The following HJV variants were observed in gnomAD, a reference collection of about 807,000 sequenced individuals.
HJV encodes the protein hemojuvelin BMP co-receptor.
A neutral mutation model predicts 22.7 loss-of-function variants in HJV; 18 were observed. The ratio of observed to expected loss-of-function variants is 0.79; its 90% CI spans 0.55 to 1.18. The LOEUF is 1.18. Among genes scored for constraint, HJV ranks in the 50% most tolerant of loss-of-function variants. HJV has a pLI of 0.00. For missense variants in HJV, 572 were observed against 553.0 expected (o/e 1.03, Z -0.34); for synonymous variants, 229 against 222.7 (o/e 1.03, Z -0.25).
rs782614415 is a variant in HJV at position 146,018,372 on chromosome 1, C to G, written c.986G>C (p.Arg329Pro). ...AGCTCCCCGACGATTGCGCTCTGAT[C>G]GAGAGAGTCGCTGACTTGGAGGGCA... The part of the protein sequence containing the change: ...GGCPPSQRLS[R>P]SERNRRGAIT... Residue 329 changes from arginine (R) to proline (P), a missense_variant, in exon 4 of 4, where the codon CGA becomes CCA. By Grantham distance (103) the Arg-to-Pro change is moderately radical. Coordinates refer to ENST00000336751, the MANE Select transcript of HJV (RefSeq NM_213653.4). 19 of 1,614,002 alleles carry G rather than the reference C, an allele frequency of 1.2e-5. No individual in the cohort carries two copies. In the East Asian group the frequency reaches 3.1e-4, roughly 26 times the overall value.
At chr1:146,020,810 C>T (rs1241639286) in intron 1 of HJV, among the ~76,000 whole-genome samples, 1 of 152,158 alleles carries the variant, frequency 6.6e-6, no homozygotes, top group African/African-American at 2.4e-5. Flanking sequence ...GGTGGCATAC[C>T]CATCCCGTCT....
rs1553769677 is a variant in HJV at position 146,019,365 on chromosome 1, C to T, written c.467G>A (p.Arg156Gln). ...GAACCCCGGGGGACGACCATGCAGC[C>T]GGGAAAACCGGCCTTCATAGTCACA... is the stretch of plus-strand genomic sequence containing the variant. ...DPCDYEGRFS[R>Q]LHGRPPGFLH... is the part of the protein sequence containing the mutation. Residue 156 changes from arginine (R) to glutamine (Q), a missense_variant, in exon 3 of 4, where the codon CGG (arginine) becomes CAG (glutamine). Transcript: ENST00000336751. 2 of 1,613,646 alleles carry T rather than the reference C, an allele frequency of 1.2e-6. No homozygotes were observed. Among genetic ancestry groups the T allele is most frequent in the African/African-American group, 2.7e-5 (2 of 74,928 alleles).
rs782677023 is a variant in HJV, at chr1:146,018,092, C to G, written c.1266G>C (p.Trp422Cys). The G allele has an allele frequency of 6.2e-7, 1 of 1,614,040 alleles. No homozygotes were observed. The highest frequency in any genetic ancestry group is 1.1e-5 in the South Asian group (1 of 91,076). Residue 422 changes from tryptophan to cysteine, a missense_variant, in exon 4 of 4, where the codon TGG becomes TGC. Transcript: ENST00000336751. ...GATGGTCCCCTTACTGAATGCAAAG[C>G]CACAGAACAAAGAGCCCAGAAAGGA... ...APLLSGLFVL[W>C]LCIQ
Position 146,019,621 on chromosome 1 carries a change from C to A in HJV, c.211G>T (p.Gly71Cys). The A allele has an allele frequency of 1.2e-6, 2 of 1,613,786 alleles. 1 individual carries two copies. Among genetic ancestry groups the A allele is most frequent in the Non-Finnish European group, 1.7e-6 (2 of 1,180,012 alleles). ...ALRGGGGGGR[G>C]GGVGSGGLCR... ...AGGCCGCCAGAGCCCACCCCTCCAC[C>A]CCGGCCTCCTCCTCCTCCTCCTCGA... is the stretch of plus-strand genomic sequence containing the variant. The change falls in exon 3 of 4, where the codon GGT (glycine) becomes TGT (cysteine). Residue 71 changes from glycine (G) to cysteine (C), a missense_variant. Gly to Cys is a radical substitution (Grantham distance 159, BLOSUM62 -3). Coordinates refer to ENST00000336751, the MANE Select transcript of HJV (RefSeq NM_213653.4).
chr1:146,018,214 C>G lies in HJV; in HGVS notation c.1144G>C (p.Glu382Gln), dbSNP rs1652453436. The change falls in exon 4 of 4, where the codon GAG becomes CAG. Residue 382 changes from glutamate (E) to glutamine (Q), a missense_variant. Transcript: ENST00000336751. ...TCTGGCAGGAAGGCTCGGGCATCCTCCAGTGCTGCCTGAGCTGCCACGGTA... is the reference window on the plus strand; with the variant it reads ...TCTGGCAGGAAGGCTCGGGCATCCTGCAGTGCTGCCTGAGCTGCCACGGTA... ...NFTVAAQAAL[E>Q]DARAFLPDLE... 4 of 1,614,078 alleles carry G rather than the reference C, an allele frequency of 2.5e-6. No individual in the cohort carries two copies. The highest frequency in any genetic ancestry group is 3.4e-6 in the Non-Finnish European group (4 of 1,180,052).
Position 146,019,416 on chromosome 1 carries a change from C to G in HJV, c.416G>C (p.Gly139Ala). ...AGGGTCCGGGGCAGGGAGGCCGGAG[C>G]CCGCGCCTGGAAGGGCGGGGCCCCG... ...PPRGPALPGA[G>A]SGLPAPDPCD... Residue 139 changes from glycine (G) to alanine (A), a missense_variant, in exon 3 of 4, where the codon GGC (glycine) becomes GCC (alanine). By Grantham distance (60) the Gly-to-Ala change is moderately conservative (BLOSUM62 0). Transcript: ENST00000336751. 1 of 1,612,552 alleles carries G rather than the reference C, an allele frequency of 6.2e-7. No individual in the cohort carries two copies. The highest frequency in any genetic ancestry group is 8.5e-7 in the Non-Finnish European group (1 of 1,179,522).
rs1350279214 is a variant in HJV at position 146,020,321 on chromosome 1, C to T, written c.-89-1G>A. ...TTTTGACCGGAAGCCCTGTAAGTGA[C>T]TGAAAAAAGAAATTTGGCTGGACAT... On this transcript the variant is annotated splice_acceptor_variant, in intron 1 of 3. Transcript: ENST00000336751. LOFTEE classifies it low-confidence loss of function (5UTR_SPLICE). 1 of 843,098 alleles carries T rather than the reference C, an allele frequency of 1.2e-6. No homozygotes were observed. The highest frequency in any genetic ancestry group is 1.7e-5 in the African/African-American group (1 of 59,884). 52.2% of individuals were successfully genotyped at this position (843,098 alleles called of 1,614,324 possible).
At position 146,019,396 on chromosome 1, in the gene HJV, C is replaced by G; in HGVS notation, c.436G>C (p.Asp146His). Residue 146 changes from aspartate (D) to histidine (H), a missense_variant, in exon 3 of 4, where the codon GAC (aspartate) becomes CAC (histidine). By Grantham distance (81) the Asp-to-His change is moderately conservative. Coordinates refer to ENST00000336751, the MANE Select transcript of HJV (RefSeq NM_213653.4). ...PGAGSGLPAP[D>H]PCDYEGRFSR... is the part of the protein sequence containing the mutation. ...AACCGGCCTTCATAGTCACAAGGGT[C>G]CGGGGCAGGGAGGCCGGAGCCCGCG... is the stretch of plus-strand genomic sequence containing the variant. 6.2e-7 allele frequency: 1 copy of G among 1,613,500 alleles called. No individual in the cohort carries two copies. Among genetic ancestry groups the G allele is most frequent in the East Asian group, 2.2e-5 (1 of 44,872 alleles).
chr1:146,018,118 G>A lies in HJV; in HGVS notation c.1240C>T (p.Leu414Phe), dbSNP rs1553769357. The change falls in exon 4 of 4, where the codon CTC (leucine) becomes TTC (phenylalanine). Residue 414 changes from leucine (L) to phenylalanine (F), a missense_variant. Physicochemically the swap from Leu to Phe is conservative, Grantham distance 22. Coordinates refer to ENST00000336751, the MANE Select transcript of HJV (RefSeq NM_213653.4). ...CACAGAACAAAGAGCCCAGAAAGGA[G>A]TGGAGCTAAGAGGGTTGCTGAGGAA... The part of the protein sequence containing the change: ...PLSSATLLAP[L>F]LSGLFVLWLC... The A allele has an allele frequency of 6.2e-7, 1 of 1,614,104 alleles. No individual in the cohort carries two copies. The highest frequency in any genetic ancestry group is 8.5e-7 in the Non-Finnish European group (1 of 1,180,044).
chr1:146,017,938 C>T lies in HJV; in HGVS notation c.*139G>A. On this transcript the variant is annotated 3_prime_UTR_variant, in exon 4 of 4. Transcript: ENST00000336751. Reference sequence around the variant, plus strand: ...CTGTGATAATTTCAACCCTGGACTGCAGCCTCATCTGACTCTGGATAATGT... The same window carrying T: ...CTGTGATAATTTCAACCCTGGACTGTAGCCTCATCTGACTCTGGATAATGT... The T allele has an allele frequency of 1.1e-6, 1 of 941,964 alleles. No individual in the cohort carries two copies. Among genetic ancestry groups the T allele is most frequent in the South Asian group, 1.6e-5 (1 of 64,392 alleles). The allele number at this position is 941,964 out of a possible 1,614,324, so 58.4% of individuals were successfully genotyped here.
At position 146,018,274 on chromosome 1, in the gene HJV, C is replaced by T. The variant is rs1652457505; in HGVS notation, c.1084G>A (p.Val362Ile). The change falls in exon 4 of 4, where the codon GTC becomes ATC. Residue 362 changes from valine to isoleucine, a missense_variant. Coordinates refer to ENST00000336751, the MANE Select transcript of HJV (RefSeq NM_213653.4). Reference protein sequence around the residue: ...PVEDAYFHSCVFDVLISGDPN... With the variant: ...PVEDAYFHSCIFDVLISGDPN... ...TCACCAGAAATTAAAACATCAAAGACACAGGAATGGAAGTAAGCATCTTCC... is the reference window on the plus strand; with the variant it reads ...TCACCAGAAATTAAAACATCAAAGATACAGGAATGGAAGTAAGCATCTTCC... 5.6e-6 allele frequency: 9 copies of T among 1,614,206 alleles called. No individual in the cohort carries two copies. In the East Asian group the frequency reaches 2.0e-4, roughly 36 times the overall value.
At position 146,019,502 on chromosome 1, in the gene HJV, G is replaced by C. The variant is rs782328341; in HGVS notation, c.330C>G (p.Ile110Met). The change falls in exon 3 of 4, where the codon ATC (isoleucine) becomes ATG (methionine). Residue 110 changes from isoleucine (I) to methionine (M), a missense_variant. Transcript: ENST00000336751. ...AGTTGTGCTGGATCATCAGGTCTTC[G>C]ATGCCATGTACCGCCGAATGGAAGG... ...DLAFHSAVHG[I>M]EDLMIQHNCS... is the part of the protein sequence containing the mutation. 3.7e-6 allele frequency: 6 copies of C among 1,612,828 alleles called. No homozygotes were observed. Among genetic ancestry groups the C allele is most frequent in the Non-Finnish European group, 5.1e-6 (6 of 1,179,928 alleles).
At position 146,019,608 on chromosome 1, in the gene HJV, C is replaced by T; in HGVS notation, c.224G>A (p.Gly75Asp). ...GAGGGCTCGACAGAGGCCGCCAGAG[C>T]CCACCCCTCCACCCCGGCCTCCTCC... Reference protein sequence around the residue: ...GGGGGRGGGVGSGGLCRALRS... With the variant: ...GGGGGRGGGVDSGGLCRALRS... The change falls in exon 3 of 4, where the codon GGC becomes GAC. Residue 75 changes from glycine (G) to aspartate (D), a missense_variant. Physicochemically the swap from Gly to Asp is moderately conservative, Grantham distance 94. Transcript: ENST00000336751. The T allele has an allele frequency of 6.2e-7, 1 of 1,612,484 alleles. No homozygotes were observed. Among genetic ancestry groups the T allele is most frequent in the Non-Finnish European group, 8.5e-7 (1 of 1,178,952 alleles).
At position 146,018,098 on chromosome 1, in the gene HJV, A is replaced by G; in HGVS notation, c.1260T>C (p.Val420=). 1 of 1,614,126 alleles carries G rather than the reference A, an allele frequency of 6.2e-7. No homozygotes were observed. Among genetic ancestry groups the G allele is most frequent in the Non-Finnish European group, 8.5e-7 (1 of 1,180,022 alleles). The change falls in exon 4 of 4, where the codon GTT becomes GTC. Residue 420 remains valine (V), a synonymous_variant. Coordinates refer to ENST00000336751, the MANE Select transcript of HJV (RefSeq NM_213653.4). ...LLAPLLSGLF[V]LWLCIQ is the part of the protein sequence containing the mutation. ...CCCCTTACTGAATGCAAAGCCACAG[A>G]ACAAAGAGCCCAGAAAGGAGTGGAG...
Position 146,017,880 on chromosome 1 carries a change from C to T in HJV, c.*197G>A, listed in dbSNP as rs1652426841. ...ATTGGTGAAGAGCCCCACAGAGATC[C>T]GGAATGCAGTAACCTTGCCCAGAAT... On this transcript the variant is annotated 3_prime_UTR_variant, in exon 4 of 4. Transcript: ENST00000336751. The T allele has an allele frequency of 6.3e-6, 4 of 638,082 alleles. No homozygotes were observed. Among genetic ancestry groups the T allele is most frequent in the East Asian group, 2.8e-5 (1 of 35,506 alleles). The allele number at this position is 638,082 out of a possible 1,614,324, so 39.5% of individuals were successfully genotyped here.
Position 146,018,084 on chromosome 1 carries a change from A to G in HJV, c.1274T>C (p.Ile425Thr). 6.2e-7 allele frequency: 1 copy of G among 1,614,052 alleles called. No homozygotes were observed. Among genetic ancestry groups the G allele is most frequent in the African/African-American group, 1.3e-5 (1 of 75,012 alleles). ...ATGGGACTGATGGTCCCCTTACTGA[A>G]TGCAAAGCCACAGAACAAAGAGCCC... Reference protein sequence around the residue: ...LSGLFVLWLCIQ With the variant: ...LSGLFVLWLCTQ Residue 425 changes from isoleucine (I) to threonine (T), a missense_variant, in exon 4 of 4, where the codon ATT (isoleucine) becomes ACT (threonine). Transcript: ENST00000336751.
chr1:146,019,835 A>G, intron 2 of HJV, 101 bp from the exon 3 acceptor site: 2 of 1,592,288 alleles, frequency 1.3e-6, no homozygotes, highest in Non-Finnish European at 8.6e-7. Context: ...AGGGGTTTCC[A>G]GCCTTCCTAA....
chr1:146,019,322 G>A lies in HJV; in HGVS notation c.510C>T (p.Phe170=), dbSNP rs139281553. ...GGAAGCTGCGCACATGGGGGTCCCC[G>A]AAGGAAGCGCAATGCAAGAACCCCG... The part of the protein sequence containing the change: ...RPPGFLHCAS[F]GDPHVRSFHH... Residue 170 remains phenylalanine (F), a synonymous_variant, in exon 3 of 4, where the codon TTC becomes TTT. Coordinates refer to ENST00000336751, the MANE Select transcript of HJV (RefSeq NM_213653.4). 1.1e-4 allele frequency: 174 copies of A among 1,613,848 alleles called. 1 individual carries two copies. In the African/African-American group the frequency reaches 2.1e-3, roughly 20 times the overall value.
At chr1:146,018,837 C>A (rs1571043596) in intron 3 of HJV, 137 bp from the exon 4 acceptor site, 2 of 975,892 alleles carry the variant, frequency 2.0e-6, no homozygotes, top group East Asian at 4.8e-5. Flanking sequence ...ATCCCTTCTC[C>A]TATTTATGTT....
Sources: allele counts gnomAD v4.1 joint callset (sites outside exome capture counted in the v4.1 genomes callset), GRCh38; gene constraint gnomAD v4.1.1; transcripts MANE v1.5; gene names NCBI Gene and HGNC (gene_info 2026-07-23, HGNC 2026-07-21).